Variants in CPLX1 observed in about 807,000 individuals in gnomAD.
CPLX1 encodes complexin 1, also known as complexin-1.
CPLX1 carries 6 observed loss-of-function variants against 15.6 expected under a neutral mutation model. The ratio of observed to expected loss-of-function variants is 0.39; its 90% confidence interval spans 0.21 to 0.76. The LOEUF is 0.76. Among genes scored for constraint, CPLX1 ranks in the 30% least tolerant of loss-of-function variants. CPLX1 has a pLI of 0.43. For synonymous variants in CPLX1, 91 were observed against 75.2 expected (o/e 1.21, Z -1.08); for missense variants, 242 against 188.6 (o/e 1.28, Z -1.66).
chr4:788,337 G>T (rs1746063838), intron 3 of CPLX1: 11 of 985,414 alleles, frequency 1.1e-5, no homozygotes, highest in South Asian at 9.4e-5. Flanking sequence ...GGTGGCTCTG[G>T]GTGTGGGGGG....
chr4:802,861 G>T (rs1317602966), intron 2 of CPLX1, among the ~76,000 whole-genome samples: 1 of 151,216 alleles, frequency 6.6e-6, no homozygotes, highest in Non-Finnish European at 1.5e-5. Context: ...TGAGGCAGGA[G>T]AATTGCTTGA....
chr4:823,369 G>A (rs1222051206), intron 2 of CPLX1, among the ~76,000 whole-genome samples: 1 of 152,162 alleles, frequency 6.6e-6, no homozygotes, highest in Non-Finnish European at 1.5e-5. Flanking sequence ...GAGACAGCCA[G>A]GCAGGCAGCT....
intron 2 of CPLX1, among the ~76,000 whole-genome samples, chr4:795,720 AT>A (rs1249970238): frequency 6.6e-6 from 1 of 151,272 alleles, no homozygotes; most frequent in East Asian, 1.9e-4. Context: ...GCACAGGCGG[AT>A]AAACCCTCTG....
At position 815,740 on chromosome 4, in the gene CPLX1, C is replaced by G. The variant is rs142097569; in HGVS notation, c.31+8752G>C. Among the ~76,000 whole-genome samples, 6 of 152,286 alleles carry G rather than the reference C, an allele frequency of 3.9e-5. No individual in the cohort carries two copies. The East Asian group carries it at 1.2e-3, about 29-fold the overall frequency. On this transcript the variant is annotated intron_variant, in intron 2 of 3. Transcript: ENST00000304062. The stretch of plus-strand genomic sequence containing the variant: ...AGGTTTCACAGGTCATAAATCTCAG[C>G]GGCACTTGGAGAAGCACCGTGAGAG...
chr4:810,053 T>TC (rs1746635064), intron 2 of CPLX1, among the ~76,000 whole-genome samples: 2 of 147,480 alleles, frequency 1.4e-5, no homozygotes, highest in East Asian at 2.0e-4. Flanking sequence ...CTTTCTTTTT[T>TC]TTTTTTTTTT....
At chr4:787,717 G>C (rs1343301980) in intron 3 of CPLX1, 1 of 984,772 alleles carries the variant, frequency 1.0e-6, no homozygotes, top group African/African-American at 1.7e-5. Context: ...AGGCCTCTAA[G>C]TTTTTGTCAG....
chr4:789,222 G>T (rs1052176964), intron 3 of CPLX1, among the ~76,000 whole-genome samples: 1 of 152,170 alleles, frequency 6.6e-6, no homozygotes, highest in Non-Finnish European at 1.5e-5. Context: ...GTTCTGAGGC[G>T]TCTGCTCCAG....
chr4:824,641 G>T, intron 1 of CPLX1, 40 bp from the exon 2 acceptor site: 1 of 1,076,288 alleles, frequency 9.3e-7, no homozygotes. Flanking sequence ...CCCTAAGCAG[G>T]CCCCTGCCTG....
chr4:796,502 C>G (rs1473658706), intron 2 of CPLX1, among the ~76,000 whole-genome samples: 1 of 152,176 alleles, frequency 6.6e-6, no homozygotes, highest in Non-Finnish European at 1.5e-5. Context: ...CCAGGGTGGT[C>G]TCGAACTCCT....
At chr4:820,126 C>T (rs1746833645) in intron 2 of CPLX1, among the ~76,000 whole-genome samples, 4 of 151,848 alleles carry the variant, frequency 2.6e-5, no homozygotes, top group South Asian at 2.1e-4. Context: ...AGGTCCAGCT[C>T]AGCCCAGCCT....
chr4:786,392 T>A lies in CPLX1; in HGVS notation c.*109A>T. The A allele has an allele frequency of 8.0e-7, 1 of 1,257,306 alleles. No individual in the cohort carries two copies. Among genetic ancestry groups the A allele is most frequent in the South Asian group, 1.6e-5 (1 of 61,026 alleles). The allele number at this position is 1,257,306 out of a possible 1,614,324, so 77.9% of individuals were successfully genotyped here. A position where few individuals can be genotyped will look rare whatever the true frequency, so the allele number is the denominator to read the frequency against. ...CGCGGGCAGGGCGGGCCTGGGGCTA[T>A]GGCTTATATCGGCGTGGGGGCTGCG... On this transcript the variant is annotated 3_prime_UTR_variant, in exon 4 of 4. Transcript: ENST00000304062.
chr4:800,578 GTATATATA>G (rs1553853396), intron 2 of CPLX1, among the ~76,000 whole-genome samples: 2 of 130,450 alleles, frequency 1.5e-5, no homozygotes, highest in African/African-American at 6.1e-5. Flanking sequence ...GTGTGTGTGT[GTATATATA>G]TGTATATATA....
intron 2 of CPLX1, among the ~76,000 whole-genome samples, chr4:811,109 C>T (rs1293841034): frequency 6.6e-6 from 1 of 152,112 alleles, no homozygotes; most frequent in Non-Finnish European, 1.5e-5. Flanking sequence ...AAGTGATCCT[C>T]CCACCTCTGC....
rs1368063781 is a variant in CPLX1, at chr4:785,916, C to T, written c.*585G>A. The T allele has an allele frequency of 6.6e-6, 1 of 152,044 alleles. No individual in the cohort carries two copies. Among genetic ancestry groups the T allele is most frequent in the Admixed American group, 6.5e-5 (1 of 15,280 alleles). The allele number at this position is 152,044 out of a possible 1,614,324, so 9.4% of individuals were successfully genotyped here. A position where few individuals can be genotyped will look rare whatever the true frequency, so the allele number is the denominator to read the frequency against. ...TAGAAGTGAACACGGCCGTGGCGTT[C>T]GTAAGAAGCAAAACCTTCCAGAGAG... On this transcript the variant is annotated 3_prime_UTR_variant, in exon 4 of 4. Coordinates refer to ENST00000304062, the MANE Select transcript of CPLX1 (RefSeq NM_006651.4).
At chr4:825,859 G>A (rs1746974130) in intron 1 of CPLX1, among the ~76,000 whole-genome samples, 187 bp downstream of exon 1, 1 of 91,806 alleles carries the variant, frequency 1.1e-5, no homozygotes, top group Non-Finnish European at 2.4e-5. Context: ...GAGAGACCCG[G>A]GGAGCGGAGG....
At chr4:794,211 G>A (rs764711836) in intron 2 of CPLX1, among the ~76,000 whole-genome samples, 3 of 152,254 alleles carry the variant, frequency 2.0e-5, no homozygotes, top group African/African-American at 7.2e-5. Flanking sequence ...CTGGGCTGAA[G>A]GTGTCACTCA....
At chr4:786,846 A>G in intron 3 of CPLX1, 148 bp from the exon 4 acceptor site, 3 of 1,373,156 alleles carry the variant, frequency 2.2e-6, no homozygotes, top group Non-Finnish European at 2.8e-6. Flanking sequence ...CAGAAGGAGA[A>G]GAGACCCCAC....
At chr4:809,495 A>AAGGAAACGGGCCCTGTGGCTGCTGAGC (rs1560244173) in intron 2 of CPLX1, among the ~76,000 whole-genome samples, 1 of 151,790 alleles carries the variant, frequency 6.6e-6, no homozygotes, top group African/African-American at 2.4e-5. Flanking sequence ...TGCTGCCCTC[A>AAGGAAACGGGCCCTGTGGCTGCTGAGC]CTCAGCCTTG....
At chr4:788,803 G>A (rs1013857607) in intron 3 of CPLX1, among the ~76,000 whole-genome samples, 6 of 152,232 alleles carry the variant, frequency 3.9e-5, no homozygotes, top group African/African-American at 9.6e-5. Flanking sequence ...TGCATGTGGC[G>A]GCAACATGTG....
Sources: allele counts gnomAD v4.1 joint callset (sites outside exome capture counted in the v4.1 genomes callset), GRCh38; gene constraint gnomAD v4.1.1; transcripts MANE v1.5; gene names NCBI Gene and HGNC (gene_info 2026-07-23, HGNC 2026-07-21).